GLI3: variants seen among roughly 807,000 people sequenced by gnomAD.
GLI3 encodes the protein GLI family zinc finger 3, also known as transcription activator GLI3.
GLI3 carries 20 observed loss-of-function variants against 100.8 expected under a neutral mutation model. That is an observed-to-expected ratio of 0.20 (90% CI 0.14 to 0.29). The LOEUF (loss-of-function observed/expected upper bound fraction) is 0.29. GLI3 is among the 10% of genes least tolerant of loss of function. GLI3 has a pLI of 1.00. For missense variants in GLI3, 2,040 were observed against 2,128.5 expected (o/e 0.96, Z 0.82); for synonymous variants, 938 against 860.5 (o/e 1.09, Z -1.58).
At chr7:42,197,552 T>C (rs995775831) in intron 2 of GLI3, among the ~76,000 whole-genome samples, 1 of 152,236 alleles carries the variant, frequency 6.6e-6, no homozygotes, top group Non-Finnish European at 1.5e-5. Context: ...TCTGAATTCC[T>C]CTTCATTACG....
intron 2 of GLI3, among the ~76,000 whole-genome samples, chr7:42,205,032 G>C (rs375547060): frequency 6.6e-6 from 1 of 152,196 alleles, no homozygotes; most frequent in Non-Finnish European, 1.5e-5. Context: ...TCAGCAGCAG[G>C]TTGTGGGTGT....
chr7:42,221,449 A>G (rs1039183455), intron 2 of GLI3, among the ~76,000 whole-genome samples: 3 of 152,108 alleles, frequency 2.0e-5, no homozygotes, highest in Non-Finnish European at 4.4e-5. Flanking sequence ...GCATGCTCAC[A>G]CGCATGCACA....
At chr7:42,117,653 C>T (rs1331327438) in intron 3 of GLI3, among the ~76,000 whole-genome samples, 1 of 152,180 alleles carries the variant, frequency 6.6e-6, no homozygotes, top group Non-Finnish European at 1.5e-5. Flanking sequence ...TGTTAGATGC[C>T]TGCTTTTGCT....
At chr7:42,062,375 G>A (rs184219139) in intron 4 of GLI3, among the ~76,000 whole-genome samples, 40 of 152,238 alleles carry the variant, frequency 2.6e-4, no homozygotes, top group Admixed American at 1.0e-3. Flanking sequence ...CCTTTCTCGA[G>A]AATAGCATCA....
Position 42,219,915 on chromosome 7 carries a change from A to G in GLI3, c.124+3215T>C, listed in dbSNP as rs112037922. ...GTCGCCCAGGCTGGAGTGCAGTGGC[A>G]CGATCTTGGCTCACTGTAAGCTCCA... On this transcript the variant is annotated intron_variant, in intron 2 of 14. Transcript: ENST00000395925. Among the ~76,000 whole-genome samples the G allele has an allele frequency of 2.2e-3, 327 of 146,816 alleles. 2 individuals are homozygous for G. The highest frequency in any genetic ancestry group is 7.9e-3 in the African/African-American group (310 of 39,286).
chr7:42,134,515 G>A (rs1786379504), intron 3 of GLI3, among the ~76,000 whole-genome samples: 1 of 152,230 alleles, frequency 6.6e-6, no homozygotes, highest in African/African-American at 2.4e-5. Context: ...CAAAAACCCA[G>A]AAAATTTATT....
rs868842274 is a variant in GLI3, at chr7:42,119,002, C to G, written c.367+29224G>C. On this transcript the variant is annotated intron_variant, in intron 3 of 14. Transcript: ENST00000395925. ...TCCTTCAACCACTCTCCATATAAGC[C>G]TCCTGCAACCTTGGAGGCAGCCAGG... Among the ~76,000 whole-genome samples the G allele has an allele frequency of 2.0e-5, 3 of 152,194 alleles. No homozygotes were observed. The South Asian group carries it at 6.2e-4, about 31-fold the overall frequency.
intron 3 of GLI3, among the ~76,000 whole-genome samples, chr7:42,102,372 G>A (rs981554241): frequency 1.7e-4 from 26 of 152,222 alleles, no homozygotes; most frequent in Non-Finnish European, 7.3e-5. Context: ...GGAAGGAGAA[G>A]CAGTCAGAGC....
chr7:42,072,428 A>G (rs1330459785), intron 4 of GLI3, among the ~76,000 whole-genome samples: 1 of 152,220 alleles, frequency 6.6e-6, no homozygotes. Flanking sequence ...CAAATACACC[A>G]TGCCTACTTT....
intron 3 of GLI3, among the ~76,000 whole-genome samples, chr7:42,107,806 T>C (rs539604747): frequency 4.6e-5 from 7 of 152,234 alleles, no homozygotes; most frequent in Non-Finnish European, 8.8e-5. Flanking sequence ...AAAGAACTGC[T>C]GCCTGCTATC....
At chr7:42,174,169 G>A (rs895334324) in intron 2 of GLI3, among the ~76,000 whole-genome samples, 5 of 151,866 alleles carry the variant, frequency 3.3e-5, no homozygotes, top group Non-Finnish European at 5.9e-5. Context: ...TGTTATAATT[G>A]AGAATTTCTG....
intron 10 of GLI3, among the ~76,000 whole-genome samples, chr7:42,013,019 G>A (rs1788662928): frequency 1.3e-5 from 2 of 152,220 alleles, no homozygotes. Context: ...GGCAGGTAGA[G>A]CAGCCGAGAT....
At chr7:42,072,476 A>G (rs2128750641) in intron 4 of GLI3, among the ~76,000 whole-genome samples, 1 of 152,362 alleles carries the variant, frequency 6.6e-6, no homozygotes, top group Middle Eastern at 3.4e-3. Flanking sequence ...CTAACACTAA[A>G]AAACAAAAAA....
At chr7:42,085,705 T>C (rs1785089308) in intron 3 of GLI3, among the ~76,000 whole-genome samples, 1 of 152,160 alleles carries the variant, frequency 6.6e-6, no homozygotes, top group Non-Finnish European at 1.5e-5. Flanking sequence ...CTTCATGAAA[T>C]GTCAATCCTG....
intron 1 of GLI3, among the ~76,000 whole-genome samples, chr7:42,248,027 T>A (rs2091486515): frequency 6.6e-6 from 1 of 152,234 alleles, no homozygotes. Context: ...GTTTCAGTAT[T>A]TGGATCGGTA....
At chr7:42,155,865 C>T (rs1415794755) in intron 2 of GLI3, among the ~76,000 whole-genome samples, 1 of 152,070 alleles carries the variant, frequency 6.6e-6, no homozygotes, top group Non-Finnish European at 1.5e-5. Flanking sequence ...GAGCAGATAA[C>T]ACTATCAGCT....
At chr7:42,028,788 T>A (rs965310530) in intron 7 of GLI3, among the ~76,000 whole-genome samples, 5 of 149,442 alleles carry the variant, frequency 3.3e-5, no homozygotes, top group African/African-American at 9.8e-5. Context: ...ATAATAATAA[T>A]AATAATAATA....
chr7:42,198,470 C>T (rs1415722680), intron 2 of GLI3, among the ~76,000 whole-genome samples: 1 of 152,002 alleles, frequency 6.6e-6, no homozygotes, highest in Non-Finnish European at 1.5e-5. Context: ...CTGAGATCTC[C>T]GTTGCAGAGC....
At chr7:42,125,701 C>T (rs1440079130) in intron 3 of GLI3, among the ~76,000 whole-genome samples, 1 of 152,186 alleles carries the variant, frequency 6.6e-6, no homozygotes, top group Non-Finnish European at 1.5e-5. Flanking sequence ...CAAAGAAAAA[C>T]AATGTTCAGG....
Sources: gnomAD v4.1 joint callset for allele counts (sites outside exome capture counted in the v4.1 genomes callset) on GRCh38, gnomAD v4.1.1 for gene constraint, MANE v1.5 for transcripts, NCBI Gene and HGNC (gene_info 2026-07-23, HGNC 2026-07-21) for gene names.